Variants in KRT25 observed in about 807,000 individuals in gnomAD.
KRT25 encodes keratin 25, also known as keratin, type I cytoskeletal 25.
In KRT25, 37 loss-of-function variants were observed where a neutral mutation model predicts 47.6. The ratio of observed to expected loss-of-function variants is 0.78; its 90% confidence interval spans 0.60 to 1.02. The LOEUF is 1.02. Among genes scored for constraint, KRT25 ranks in the 50% least tolerant of loss-of-function variants. The pLI is 0.00. For missense variants in KRT25, 542 were observed against 550.3 expected, an observed-to-expected ratio of 0.98 and a Z score of 0.15; for synonymous variants, 203 against 210.2, an observed-to-expected ratio of 0.97 and a Z score of 0.30.
intron 5 of KRT25, 121 bp from the exon 6 acceptor site, chr17:40,750,718 C>A: frequency 7.0e-7 from 1 of 1,435,276 alleles, no homozygotes. Context: ...CACATGGACA[C>A]ATAGTTAAGA....
rs111953138 is a variant in KRT25 at position 40,753,648 on chromosome 17, C to T, written c.669+212G>A. On this transcript the variant is annotated intron_variant, in intron 3 of 7. Transcript: ENST00000312150. ...GCAGTGAGCCAAGATCGCACCATTG[C>T]ACTTCAGCCTGGACGGCAGAGCGAG... 0.11 allele frequency among the ~76,000 whole-genome samples: 14,097 copies of T among 126,096 alleles called. 837 individuals are homozygous for T. Among genetic ancestry groups the T allele is most frequent in the Middle Eastern group, 0.16 (29 of 178 alleles). The allele number at this position is 126,096 out of a possible 152,430, so 82.7% of individuals were successfully genotyped here.
At chr17:40,750,033 T>C (rs113082710) in intron 6 of KRT25, among the ~76,000 whole-genome samples, 21 of 152,204 alleles carry the variant, frequency 1.4e-4, no homozygotes, top group African/African-American at 4.6e-4. Context: ...CCATGGGACT[T>C]TATCAGTGCT....
chr17:40,750,361 TGC>T lies in KRT25; in HGVS notation c.1175+17_1175+18del. The T allele has an allele frequency of 1.9e-6, 3 of 1,611,394 alleles. No homozygotes were observed. The highest frequency in any genetic ancestry group is 2.5e-6 in the Non-Finnish European group (3 of 1,177,508). Reference sequence around the variant, plus strand: ...AGATTTCAGTATATTACGCCATCTATGCAGATTATTTTACCTACCCATCATCT... The same window carrying T: ...AGATTTCAGTATATTACGCCATCTATAGATTATTTTACCTACCCATCATCT... On this transcript the variant is annotated intron_variant, in intron 6 of 7. Coordinates refer to ENST00000312150, the MANE Select transcript of KRT25 (RefSeq NM_181534.4).
Position 40,753,997 on chromosome 17 carries a change from G to A in KRT25, c.532C>T (p.Leu178Phe), listed in dbSNP as rs762750245. 3.1e-6 allele frequency: 5 copies of A among 1,614,104 alleles called. No individual in the cohort carries two copies. The East Asian group carries it at 1.1e-4, about 36-fold the overall frequency. The stretch of plus-strand genomic sequence containing the variant: ...ACATCAGCCTCTACACTCTGGTGAA[G>A]AGCCAGCTCATTTTCATACCTTAAA... ...FRLKYENELA[L>F]HQSVEADVNG... The change falls in exon 3 of 8, where the codon CTT (leucine) becomes TTT (phenylalanine). Residue 178 changes from leucine (L) to phenylalanine (F), a missense_variant. Coordinates refer to ENST00000312150, the MANE Select transcript of KRT25 (RefSeq NM_181534.4).
In KRT25 at chr17:40,748,219, A is replaced by T; in HGVS notation, c.*58T>A. On this transcript the variant is annotated 3_prime_UTR_variant, in exon 8 of 8. Coordinates refer to ENST00000312150, the MANE Select transcript of KRT25 (RefSeq NM_181534.4). ...GACATGCACATTTTTCTGGACAGATACATAATGCCTTTTCTTCGCAGGGGC... is the reference window on the plus strand; with the variant it reads ...GACATGCACATTTTTCTGGACAGATTCATAATGCCTTTTCTTCGCAGGGGC... 1 of 1,119,134 alleles carries T rather than the reference A, an allele frequency of 8.9e-7. No individual in the cohort carries two copies. The highest frequency in any genetic ancestry group is 1.3e-6 in the Non-Finnish European group (1 of 762,748). 69.3% of individuals were successfully genotyped at this position (1,119,134 alleles called of 1,614,324 possible).
At chr17:40,755,437 G>A (rs773734866), upstream of KRT25, 86 of 618,268 alleles carry the variant, frequency 1.4e-4, no homozygotes, top group Non-Finnish European at 2.3e-4. Flanking sequence ...TCAGCAAGTT[G>A]GCATAATTGG....
intron 1 of KRT25, 71 bp from the exon 2 acceptor site, chr17:40,754,539 T>C: frequency 7.4e-7 from 1 of 1,349,332 alleles, no homozygotes; most frequent in Non-Finnish European, 1.1e-6. Flanking sequence ...TTTCTAATGC[T>C]AAATTGGAAT....
chr17:40,753,961 G>C lies in KRT25; in HGVS notation c.568C>G (p.Arg190Gly), dbSNP rs758921574. The C allele has an allele frequency of 6.2e-7, 1 of 1,613,812 alleles. No homozygotes were observed. Among genetic ancestry groups the C allele is most frequent in the Non-Finnish European group, 8.5e-7 (1 of 1,179,818 alleles). Residue 190 changes from arginine to glycine, a missense_variant, in exon 3 of 8, where the codon CGA becomes GGA. By Grantham distance (125) the Arg-to-Gly change is moderately radical. Transcript: ENST00000312150. ...AGGGTTATTTCATCCAAAACTCTTCGTAACCCATTGACATCAGCCTCTACA... is the reference window on the plus strand; with the variant it reads ...AGGGTTATTTCATCCAAAACTCTTCCTAACCCATTGACATCAGCCTCTACA... ...QSVEADVNGL[R>G]RVLDEITLCR...
At position 40,755,029 on chromosome 17, in the gene KRT25, C is replaced by T. The variant is rs139223285; in HGVS notation, c.243G>A (p.Val81=). Residue 81 remains valine, a synonymous_variant, in exon 1 of 8, where the codon GTG becomes GTA. Coordinates refer to ENST00000312150, the MANE Select transcript of KRT25 (RefSeq NM_181534.4). ...GGCGGTCATTGAGGTTCTGCATGGTCACCTTCTCATTGCCAGAAAGGAGCC... is the reference window on the plus strand; with the variant it reads ...GGCGGTCATTGAGGTTCTGCATGGTTACCTTCTCATTGCCAGAAAGGAGCC... ...ERGLLSGNEK[V]TMQNLNDRLA... 1.5e-4 allele frequency: 240 copies of T among 1,614,186 alleles called. 1 individual carries two copies. In the African/African-American group the frequency reaches 2.9e-3, roughly 19 times the overall value.
rs1219578239 is a variant in KRT25 at position 40,751,299 on chromosome 17, C to T, written c.697G>A (p.Gly233Arg). The change falls in exon 4 of 8, where the codon GGA becomes AGA. Residue 233 changes from glycine (G) to arginine (R), a missense_variant. Transcript: ENST00000312150. The part of the protein sequence containing the change: ...EEMQVLQCAA[G>R]GNVNVEMNAA... ...TTCATCTCCACGTTCACGTTGCCTCCAGCTGCGCACTGCAGAACTTGCATT... is the reference window on the plus strand; with the variant it reads ...TTCATCTCCACGTTCACGTTGCCTCTAGCTGCGCACTGCAGAACTTGCATT... 1 of 1,613,312 alleles carries T rather than the reference C, an allele frequency of 6.2e-7. No individual in the cohort carries two copies. Among genetic ancestry groups the T allele is most frequent in the Non-Finnish European group, 8.5e-7 (1 of 1,179,630 alleles).
Position 40,755,229 on chromosome 17 carries a change from G to C in KRT25, c.43C>G (p.Arg15Gly), listed in dbSNP as rs990586331. The C allele has an allele frequency of 8.1e-6, 13 of 1,613,988 alleles. No individual in the cohort carries two copies. The highest frequency in any genetic ancestry group is 1.1e-5 in the Non-Finnish European group (13 of 1,180,030). ...LSSASRRSCP[R>G]PTTGSLRLYG... ...AGTCTGAGTGATCCAGTGGTGGGAC[G>C]AGGACAGGACCTCCTGGATGCACTG... is the stretch of plus-strand genomic sequence containing the variant. The change falls in exon 1 of 8, where the codon CGT (arginine) becomes GGT (glycine). Residue 15 changes from arginine (R) to glycine (G), a missense_variant. Transcript: ENST00000312150.
chr17:40,748,568 T>C (rs183963520), intron 7 of KRT25, among the ~76,000 whole-genome samples, 182 bp from the exon 8 acceptor site: 3 of 152,364 alleles, frequency 2.0e-5, no homozygotes, highest in African/African-American at 7.2e-5. Context: ...ACATGTTATT[T>C]TGTTTAAAAT....
chr17:40,748,464 G>T, intron 7 of KRT25, 78 bp from the exon 8 acceptor site: 1 of 902,702 alleles, frequency 1.1e-6, no homozygotes. Context: ...GGAATAATAG[G>T]ATTTGCATAC....
Position 40,748,394 on chromosome 17 carries a change from T to A in KRT25, c.1244-8A>T, listed in dbSNP as rs759152468. On this transcript the variant is annotated splice_polypyrimidine_tract_variant and splice_region_variant and intron_variant, in intron 7 of 7. Coordinates refer to ENST00000312150, the MANE Select transcript of KRT25 (RefSeq NM_181534.4). ...CTATGGCTTTGGCTGGGTCTGAGCA[T>A]TAAAAATTAAAAGGAGATTTTATGT... The A allele has an allele frequency of 6.5e-7, 1 of 1,537,306 alleles. No individual in the cohort carries two copies. Among genetic ancestry groups the A allele is most frequent in the Admixed American group, 1.9e-5 (1 of 51,624 alleles).
At chr17:40,749,785 T>C (rs999580343) in intron 6 of KRT25, among the ~76,000 whole-genome samples, 5 of 151,880 alleles carry the variant, frequency 3.3e-5, no homozygotes, top group African/African-American at 1.2e-4. Context: ...ACAAGATACT[T>C]TTCCTAAGTG....
rs374977781 is a variant in KRT25, at chr17:40,755,192, C to A, written c.80G>T (p.Gly27Val). 1 of 1,614,094 alleles carries A rather than the reference C, an allele frequency of 6.2e-7. No homozygotes were observed. The highest frequency in any genetic ancestry group is 8.5e-7 in the Non-Finnish European group (1 of 1,180,044). The stretch of plus-strand genomic sequence containing the variant: ...AGAATTTCCAGTACCAAAGCTGGTT[C>A]CCCCACCATAGAGTCTGAGTGATCC... ...TTGSLRLYGG[G>V]TSFGTGNSCG... Residue 27 changes from glycine (G) to valine (V), a missense_variant, in exon 1 of 8, where the codon GGA becomes GTA. Coordinates refer to ENST00000312150, the MANE Select transcript of KRT25 (RefSeq NM_181534.4).
intron 2 of KRT25, 69 bp from the exon 3 acceptor site, chr17:40,754,085 T>A (rs2144129478): frequency 6.9e-7 from 1 of 1,443,200 alleles, no homozygotes; most frequent in Admixed American, 1.8e-5. Flanking sequence ...CACTGATCAA[T>A]GACAAATGCT....
In KRT25 at chr17:40,748,194, G is replaced by T; in HGVS notation, c.*83C>A. ...GACAACAGGTTAGACATTTTTCTTA[G>T]ACATGCACATTTTTCTGGACAGATA... is the stretch of plus-strand genomic sequence containing the variant. On this transcript the variant is annotated 3_prime_UTR_variant, in exon 8 of 8. Coordinates refer to ENST00000312150, the MANE Select transcript of KRT25 (RefSeq NM_181534.4). 1.2e-6 allele frequency: 1 copy of T among 834,070 alleles called. No homozygotes were observed. Among genetic ancestry groups the T allele is most frequent in the Non-Finnish European group, 1.9e-6 (1 of 533,766 alleles). The allele number at this position is 834,070 out of a possible 1,614,324, so 51.7% of individuals were successfully genotyped here.
chr17:40,751,272 C>G lies in KRT25; in HGVS notation c.724G>C (p.Ala242Pro). 6.2e-7 allele frequency: 1 copy of G among 1,614,120 alleles called. No homozygotes were observed. Among genetic ancestry groups the G allele is most frequent in the Non-Finnish European group, 8.5e-7 (1 of 1,179,998 alleles). The change falls in exon 4 of 8, where the codon GCA becomes CCA. Residue 242 changes from alanine (A) to proline (P), a missense_variant. Ala to Pro is a conservative substitution (Grantham distance 27, BLOSUM62 -1). Coordinates refer to ENST00000312150, the MANE Select transcript of KRT25 (RefSeq NM_181534.4). ...ACTGTGAGGTCCACCCCGGGGGCTG[C>G]GTTCATCTCCACGTTCACGTTGCCT... ...AGGNVNVEMN[A>P]APGVDLTVLL...
Sources: allele counts gnomAD v4.1 joint callset (sites outside exome capture counted in the v4.1 genomes callset), GRCh38; gene constraint gnomAD v4.1.1; transcripts MANE v1.5; gene names NCBI Gene and HGNC (gene_info 2026-07-23, HGNC 2026-07-21).